Variants in ATAD2 observed in about 807,000 individuals in gnomAD.
The protein encoded by ATAD2 is ATPase family AAA domain containing 2, also known as ATPase family AAA domain-containing protein 2.
In ATAD2, 62 loss-of-function variants were observed where a neutral mutation model predicts 168.9. The observed-to-expected ratio is 0.37, with a 90% CI of 0.30 to 0.45. The LOEUF is 0.45. Ranked by LOEUF, ATAD2 falls within the 20% of genes least tolerant of loss-of-function variation. The pLI is 1.00. For missense variants in ATAD2, 1,419 were observed against 1,667.8 expected (o/e 0.85, Z 2.60); for synonymous variants, 613 against 571.6 (o/e 1.07, Z -1.03).
intron 8 of ATAD2, among the ~76,000 whole-genome samples, chr8:123,366,870 C>G (rs575061795): frequency 6.6e-6 from 1 of 150,878 alleles, no homozygotes; most frequent in East Asian, 1.9e-4. Flanking sequence ...CACCTGCTCC[C>G]CAAAAACCTA....
intron 1 of ATAD2, among the ~76,000 whole-genome samples, chr8:123,408,580 G>A (rs370811557): frequency 6.9e-4 from 105 of 152,058 alleles, no homozygotes; most frequent in African/African-American, 2.3e-3. Context: ...GCAATGGCAC[G>A]TTCTCGGCTC....
Position 123,349,426 on chromosome 8 carries a change from C to G in ATAD2, c.1665G>C (p.Leu555=). The G allele has an allele frequency of 6.2e-7, 1 of 1,613,842 alleles. No homozygotes were observed. Among genetic ancestry groups the G allele is most frequent in the East Asian group, 2.2e-5 (1 of 44,856 alleles). Residue 555 remains leucine (L), a synonymous_variant, in exon 14 of 28, where the codon CTG becomes CTC. Coordinates refer to ENST00000287394, the MANE Select transcript of ATAD2 (RefSeq NM_014109.4). The stretch of plus-strand genomic sequence containing the variant: ...TGTCCAATCCATCCATAAGAGCTAG[C>G]AGGGTGGAAACAATAGAACTAAATT... The part of the protein sequence containing the change: ...DQIHSSIVST[L]LALMDGLDSR...
intron 1 of ATAD2, among the ~76,000 whole-genome samples, chr8:123,413,053 A>G (rs966544039): frequency 6.6e-6 from 1 of 152,132 alleles, no homozygotes; most frequent in Non-Finnish European, 1.5e-5. Flanking sequence ...GGACTTAGAG[A>G]GCCATTCCTT....
chr8:123,371,755 C>T lies in ATAD2; in HGVS notation c.451G>A (p.Asp151Asn). ...CTACAACTTCGACGCACTTCAACATCACCATTATCTTCATGTAAGTGTTCT... is the reference window on the plus strand; with the variant it reads ...CTACAACTTCGACGCACTTCAACATTACCATTATCTTCATGTAAGTGTTCT... ...STEHLHEDNG[D>N]VEVRRSCRIR... Residue 151 changes from aspartate (D) to asparagine (N), a missense_variant, in exon 4 of 28, where the codon GAT (aspartate) becomes AAT (asparagine). Physicochemically the swap from Asp to Asn is conservative, Grantham distance 23. Transcript: ENST00000287394. 1 of 1,613,658 alleles carries T rather than the reference C, an allele frequency of 6.2e-7. No individual in the cohort carries two copies. Among genetic ancestry groups the T allele is most frequent in the Non-Finnish European group, 8.5e-7 (1 of 1,179,780 alleles).
chr8:123,372,777 G>C, intron 2 of ATAD2, 91 bp from the exon 3 acceptor site: 1 of 1,052,462 alleles, frequency 9.5e-7, no homozygotes, highest in Admixed American at 2.7e-5. Context: ...CGTCCAACAG[G>C]AGTGCAGTGG....
At chr8:123,403,494 A>G (rs1185492357) in intron 1 of ATAD2, among the ~76,000 whole-genome samples, 1 of 151,738 alleles carries the variant, frequency 6.6e-6, no homozygotes, top group African/African-American at 2.4e-5. Flanking sequence ...GGCTATTCAC[A>G]GGCGCAATCA....
upstream of ATAD2, among the ~76,000 whole-genome samples, chr8:123,400,341 C>A (rs1038560428): frequency 6.6e-6 from 1 of 152,138 alleles, no homozygotes; most frequent in South Asian, 2.1e-4. The surrounding 1 kb of genome is among the most constrained non-coding windows in gnomAD (Gnocchi z 4.5). Context: ...GCTTCCAGAA[C>A]TTCAAAGATA....
chr8:123,391,742 C>T (rs943995702), intron 1 of ATAD2, among the ~76,000 whole-genome samples: 4 of 152,050 alleles, frequency 2.6e-5, no homozygotes, highest in African/African-American at 9.7e-5. Flanking sequence ...GAATGTAAAG[C>T]CCCCAAATCA....
Position 123,347,318 on chromosome 8 carries a change from A to G in ATAD2, c.1986T>C (p.Ser662=), listed in dbSNP as rs1017617032. The G allele has an allele frequency of 1.2e-6, 2 of 1,613,910 alleles. No homozygotes were observed. The highest frequency in any genetic ancestry group is 1.7e-6 in the Non-Finnish European group (2 of 1,180,006). ...RRRYPQIYTT[S]EKLQLDLSSI... ...AAGAGAGATCCAACTGCAGTTTCTC[A>G]CTAGTGGTATAGATCTGTGGGTAGC... Residue 662 remains serine, a synonymous_variant, in exon 16 of 28, where the codon AGT becomes AGC. Coordinates refer to ENST00000287394, the MANE Select transcript of ATAD2 (RefSeq NM_014109.4).
intron 13 of ATAD2, among the ~76,000 whole-genome samples, chr8:123,354,234 C>T (rs759436551): frequency 3.9e-5 from 6 of 152,182 alleles, no homozygotes; most frequent in African/African-American, 7.2e-5. Context: ...CACATAATTA[C>T]TTATTTGCAT....
chr8:123,323,731 A>C (rs1429391597), intron 26 of ATAD2, among the ~76,000 whole-genome samples: 1 of 152,232 alleles, frequency 6.6e-6, no homozygotes, highest in Non-Finnish European at 1.5e-5. Flanking sequence ...AAAAACTGCA[A>C]TTTAATACAT....
In ATAD2 at chr8:123,372,487, T is replaced by C. The variant is rs544258811; in HGVS notation, c.370+150A>G. The C allele has an allele frequency of 4.2e-5, 24 of 572,716 alleles. No individual in the cohort carries two copies. In the African/African-American group the frequency reaches 4.4e-4, roughly 11 times the overall value. The allele number at this position is 572,716 out of a possible 1,614,324, so 35.5% of individuals were successfully genotyped here. A position where few individuals can be genotyped will look rare whatever the true frequency, so the allele number is the denominator to read the frequency against. ...AATAATTACCTTCACTATCTTATTG[T>C]GGTGATGGCTTCATGGCATATACTT... On this transcript the variant is annotated intron_variant, in intron 3 of 27. Transcript: ENST00000287394.
intron 1 of ATAD2, chr8:123,401,731 C>A: frequency 1.3e-6 from 1 of 747,930 alleles, no homozygotes; most frequent in African/African-American, 1.7e-5. Flanking sequence ...TGATGGGCTC[C>A]CTGCTGGCTG....
intron 1 of ATAD2, among the ~76,000 whole-genome samples, chr8:123,383,570 G>C (rs374787849): frequency 2.0e-5 from 3 of 152,018 alleles, no homozygotes; most frequent in African/African-American, 7.2e-5. Flanking sequence ...TTGGGAGTTC[G>C]AGACCAGCCT....
intron 1 of ATAD2, among the ~76,000 whole-genome samples, chr8:123,404,172 C>G (rs529556088): frequency 6.6e-6 from 1 of 152,056 alleles, no homozygotes; most frequent in Non-Finnish European, 1.5e-5. Flanking sequence ...TTCATATGCC[C>G]GTTTCCTAGC....
chr8:123,339,126 A>T (rs533109617), intron 20 of ATAD2, among the ~76,000 whole-genome samples, 185 bp downstream of exon 20: 1 of 152,252 alleles, frequency 6.6e-6, no homozygotes, highest in South Asian at 2.1e-4. Flanking sequence ...ACTATGAAAG[A>T]CTTTGTGTAC....
intron 14 of ATAD2, 126 bp from the exon 15 acceptor site, chr8:123,348,399 G>A (rs760341556): frequency 1.5e-4 from 101 of 673,242 alleles, no homozygotes; most frequent in Non-Finnish European, 1.9e-4. Context: ...AATACTGGCC[G>A]GGTGCGGTGG....
At chr8:123,339,552 A>ATAC in intron 19 of ATAD2, 106 bp from the exon 20 acceptor site, 1 of 1,070,664 alleles carries the variant, frequency 9.3e-7, no homozygotes, top group Non-Finnish European at 1.3e-6. Flanking sequence ...TGAAAGTGAC[A>ATAC]TGTATTCAGT....
intron 1 of ATAD2, among the ~76,000 whole-genome samples, chr8:123,395,143 C>T (rs1483216282): frequency 6.6e-6 from 1 of 152,162 alleles, no homozygotes; most frequent in Non-Finnish European, 1.5e-5. Context: ...AACCTTCTCT[C>T]AGGTCCTATT....
Sources: gnomAD v4.1 joint callset for allele counts (sites outside exome capture counted in the v4.1 genomes callset) on GRCh38, gnomAD v4.1.1 for gene constraint, Gnocchi (gnomAD v3.1) non-coding constraint, MANE v1.5 for transcripts, NCBI Gene and HGNC (gene_info 2026-07-23, HGNC 2026-07-21) for gene names.